The following VAT1L variants were observed in gnomAD, a reference collection of about 807,000 sequenced individuals.
VAT1L encodes the protein putative NADPH-dependent quinone oxidoreductase VAT1L.
Under a neutral mutation model 44.1 loss-of-function variants are expected in VAT1L, and 34 were observed. The observed-to-expected ratio is 0.77, with a 90% CI of 0.59 to 1.03. The LOEUF is 1.03. Among genes scored for constraint, VAT1L ranks in the 50% least tolerant of loss-of-function variants. VAT1L has a pLI of 0.00. For synonymous variants in VAT1L, 253 were observed against 202.2 expected, an observed-to-expected ratio of 1.25 and a Z score of -2.13; for missense variants, 615 against 538.8, an observed-to-expected ratio of 1.14 and a Z score of -1.40.
intron 7 of VAT1L, among the ~76,000 whole-genome samples, chr16:77,958,162 C>G (rs1034435676): frequency 6.6e-6 from 1 of 152,278 alleles, no homozygotes; most frequent in East Asian, 1.9e-4. Context: ...CCTGCCCAGC[C>G]TCCCTAAGTG....
chr16:77,870,761 G>T (rs1386346499), intron 4 of VAT1L, among the ~76,000 whole-genome samples: 1 of 152,232 alleles, frequency 6.6e-6, no homozygotes, highest in African/African-American at 2.4e-5. Flanking sequence ...TCGCTTTCAT[G>T]TAATAATCAT....
chr16:77,887,010 C>T (rs898284515), intron 7 of VAT1L, among the ~76,000 whole-genome samples: 38 of 152,226 alleles, frequency 2.5e-4, no homozygotes, highest in African/African-American at 8.9e-4. Flanking sequence ...GTGTTCATCC[C>T]ACTGGGGTGA....
At chr16:77,876,307 A>T in intron 4 of VAT1L, 63 bp from the exon 5 acceptor site, 1 of 1,393,306 alleles carries the variant, frequency 7.2e-7, no homozygotes, top group Non-Finnish European at 1.0e-6. Context: ...CAGGAAAGGA[A>T]AGGGATTGAC....
At chr16:77,876,663 C>T (rs2017090526) in intron 5 of VAT1L, among the ~76,000 whole-genome samples, 190 bp downstream of exon 5, 1 of 152,210 alleles carries the variant, frequency 6.6e-6, no homozygotes, top group Non-Finnish European at 1.5e-5. Context: ...CATGTGCCTA[C>T]TGTCCTATAT....
intron 2 of VAT1L, among the ~76,000 whole-genome samples, chr16:77,823,352 A>G (rs2016483019): frequency 6.6e-6 from 1 of 152,152 alleles, no homozygotes; most frequent in Non-Finnish European, 1.5e-5. Flanking sequence ...TTTTCCTCTA[A>G]GCCCTATCAC....
intron 7 of VAT1L, among the ~76,000 whole-genome samples, chr16:77,947,983 C>A (rs1467230743): frequency 4.6e-5 from 7 of 152,226 alleles, no homozygotes; most frequent in Non-Finnish European, 8.8e-5. Flanking sequence ...TGGTCTCAAA[C>A]TCCTGACCTC....
At chr16:77,940,860 T>C (rs1379364255) in intron 7 of VAT1L, among the ~76,000 whole-genome samples, 1 of 152,072 alleles carries the variant, frequency 6.6e-6, no homozygotes, top group African/African-American at 2.4e-5. Context: ...CCTTTGCATT[T>C]CTCCCTCTCA....
At chr16:77,877,197 C>A (rs2017096871) in intron 5 of VAT1L, among the ~76,000 whole-genome samples, 1 of 152,106 alleles carries the variant, frequency 6.6e-6, no homozygotes, top group Non-Finnish European at 1.5e-5. Context: ...CTGTCATAGG[C>A]ATGCAAACCA....
At chr16:77,849,189 T>C (rs1260058131) in intron 3 of VAT1L, among the ~76,000 whole-genome samples, 1 of 151,848 alleles carries the variant, frequency 6.6e-6, no homozygotes, top group Non-Finnish European at 1.5e-5. Flanking sequence ...TAAAGTATAA[T>C]AACAAAAAAA....
intron 7 of VAT1L, among the ~76,000 whole-genome samples, chr16:77,890,975 G>A (rs1417618629): frequency 1.3e-5 from 2 of 150,628 alleles, no homozygotes; most frequent in African/African-American, 4.9e-5. Context: ...TTATATAAAA[G>A]TCTATGGCTA....
At chr16:77,925,645 A>T (rs919548584) in intron 7 of VAT1L, among the ~76,000 whole-genome samples, 1 of 152,204 alleles carries the variant, frequency 6.6e-6, no homozygotes, top group South Asian at 2.1e-4. Context: ...CTGTTTTTAC[A>T]GTTTCCCTTC....
At chr16:77,919,874 G>A (rs900284522) in intron 7 of VAT1L, among the ~76,000 whole-genome samples, 1 of 152,118 alleles carries the variant, frequency 6.6e-6, no homozygotes, top group Non-Finnish European at 1.5e-5. Context: ...GATCACTTGC[G>A]GTCAGGAGTT....
At chr16:77,968,516 G>C (rs1284318954) in intron 7 of VAT1L, among the ~76,000 whole-genome samples, 5 of 152,234 alleles carry the variant, frequency 3.3e-5, no homozygotes, top group Admixed American at 6.5e-5. Flanking sequence ...ACAAAGTCAG[G>C]AGATCAAGAC....
rs770893713 is a variant in VAT1L, at chr16:77,825,255, C to G, written c.373C>G (p.Arg125Gly). The change falls in exon 3 of 9, where the codon CGT becomes GGT. Residue 125 changes from arginine (R) to glycine (G), a missense_variant. Transcript: ENST00000302536. ...DSVKGYEIGDRVMAFVNYNAW... is the reference protein window; with the variant it reads ...DSVKGYEIGDGVMAFVNYNAW... ...GTTTCCCCATGCCCAGATTGGAGACCGTGTCATGGCATTTGTCAATTACAA... is the reference window on the plus strand; with the variant it reads ...GTTTCCCCATGCCCAGATTGGAGACGGTGTCATGGCATTTGTCAATTACAA... 2.5e-6 allele frequency: 4 copies of G among 1,613,956 alleles called. No individual in the cohort carries two copies. The highest frequency in any genetic ancestry group is 4.5e-5 in the East Asian group (2 of 44,880).
chr16:77,813,210 C>T (rs1188197944), intron 1 of VAT1L, among the ~76,000 whole-genome samples: 1 of 151,870 alleles, frequency 6.6e-6, no homozygotes, highest in Non-Finnish European at 1.5e-5. Flanking sequence ...GGATTAGACT[C>T]AAGTTTTTAA....
intron 7 of VAT1L, among the ~76,000 whole-genome samples, chr16:77,957,879 C>T (rs921745034): frequency 2.0e-5 from 3 of 151,648 alleles, no homozygotes; most frequent in Non-Finnish European, 2.9e-5. Flanking sequence ...ACCCCTCATT[C>T]TCTTACTAGA....
chr16:77,791,695 A>G (rs753780378), intron 1 of VAT1L, among the ~76,000 whole-genome samples: 31 of 152,006 alleles, frequency 2.0e-4, no homozygotes, highest in Non-Finnish European at 3.7e-4. Context: ...TCCTTTCTCC[A>G]CCGAAGATGG....
At chr16:77,797,880 T>C (rs2015966848) in intron 1 of VAT1L, among the ~76,000 whole-genome samples, 1 of 152,220 alleles carries the variant, frequency 6.6e-6, no homozygotes, top group Admixed American at 6.5e-5. Context: ...GTTTGATTCC[T>C]CTGTGTGTGA....
intron 7 of VAT1L, among the ~76,000 whole-genome samples, chr16:77,954,467 C>A (rs173856): frequency 0.98 from 149,937 of 152,248 alleles, 73,871 homozygotes; most frequent in Middle Eastern, 1. Context: ...TCTACTAAAA[C>A]TATAAAAATT....
Sources: allele counts gnomAD v4.1 joint callset (sites outside exome capture counted in the v4.1 genomes callset), GRCh38; gene constraint gnomAD v4.1.1; transcripts MANE v1.5; gene names NCBI Gene and HGNC (gene_info 2026-07-23, HGNC 2026-07-21).